Variants in OR6B3 observed in about 807,000 individuals in gnomAD.
OR6B3 encodes olfactory receptor 6B3.
For missense variants in OR6B3, 315 were observed against 427.4 expected (o/e 0.74, Z 2.32); for synonymous variants, 148 against 187.8 (o/e 0.79, Z 1.73).
chr2:240,052,867 A>C, the OR6B3 span, among the ~76,000 whole-genome samples: 1 of 152,094 alleles, frequency 6.6e-6, no homozygotes, highest in Non-Finnish European at 1.5e-5. This position sits in a 1 kb window ranked among gnomAD's most constrained non-coding sequence, Gnocchi z 4.5. Flanking sequence ...GCTGGAGTGC[A>C]GTGGCATGAT....
chr2:240,045,176 A>G (rs1698162748), exon 2 of OR6B3: 1 of 1,614,082 alleles, frequency 6.2e-7, no homozygotes, highest in Non-Finnish European at 8.5e-7. Flanking sequence ...TTTTCAAGGC[A>G]TTCTTAAATT....
chr2:240,046,369 C>T (rs1171875222), intron 1 of OR6B3, among the ~76,000 whole-genome samples: 1 of 152,184 alleles, frequency 6.6e-6, no homozygotes, highest in Non-Finnish European at 1.5e-5. Flanking sequence ...AAAGCTGTGT[C>T]CTATTTTTCA....
At chr2:240,044,603 A>G (rs1698154373), downstream of OR6B3, among the ~76,000 whole-genome samples, 1 of 152,274 alleles carries the variant, frequency 6.6e-6, no homozygotes, top group South Asian at 2.1e-4. Flanking sequence ...TTTTCTCAGC[A>G]GCTGACTGGG....
upstream of OR6B3, among the ~76,000 whole-genome samples, chr2:240,051,052 A>G (rs1464861882): frequency 6.6e-6 from 1 of 152,184 alleles, no homozygotes; most frequent in Non-Finnish European, 1.5e-5. Context: ...GAATTAGAAA[A>G]AATAATAGAA....
At chr2:240,047,717 T>C (rs955160991), upstream of OR6B3, among the ~76,000 whole-genome samples, 5 of 152,250 alleles carry the variant, frequency 3.3e-5, no homozygotes, top group Non-Finnish European at 7.3e-5. Context: ...AAAAATTCAA[T>C]AAGTCAACAT....
upstream of OR6B3, among the ~76,000 whole-genome samples, chr2:240,047,758 G>A (rs1698212248): frequency 6.6e-6 from 1 of 152,136 alleles, no homozygotes; most frequent in Admixed American, 6.5e-5. Flanking sequence ...AATCTATACT[G>A]AAAAACACAC....
At chr2:240,052,238 T>A in the OR6B3 span, among the ~76,000 whole-genome samples, 1 of 152,204 alleles carries the variant, frequency 6.6e-6, no homozygotes, top group Non-Finnish European at 1.5e-5. This position sits in a 1 kb window ranked among gnomAD's most constrained non-coding sequence, Gnocchi z 4.5. Context: ...TCAATTCTAT[T>A]TGAAATCTCA....
chr2:240,045,793 AAG>A lies in OR6B3; in HGVS notation c.278_279del (p.Ser93PhefsTer87). 1 of 1,501,328 alleles carries A rather than the reference AAG, an allele frequency of 6.7e-7. No homozygotes were observed. Among genetic ancestry groups the A allele is most frequent in the Non-Finnish European group, 9.3e-7 (1 of 1,077,820 alleles). 93.0% of individuals were successfully genotyped at this position (1,501,328 alleles called of 1,614,324 possible). A position where few individuals can be genotyped will look rare whatever the true frequency, so the allele number is the denominator to read the frequency against. On this transcript the variant is annotated frameshift_variant, in exon 2 of 2. Coordinates refer to ENST00000641019, the Ensembl canonical transcript of OR6B3. LOFTEE classifies it low-confidence loss of function (END_TRUNC). ...TAGAGCTGCGTCATGCACCCGACGA[AAG>A]AGATGCGTTTCTGCTGGAGGAGGAA... is the stretch of plus-strand genomic sequence containing the variant.
At chr2:240,046,395 C>T (rs1276142964) in intron 1 of OR6B3, among the ~76,000 whole-genome samples, 2 of 152,214 alleles carry the variant, frequency 1.3e-5, no homozygotes, top group African/African-American at 4.8e-5. Context: ...TGGACTTCTC[C>T]AAGGGACCCA....
rs749237711 is a variant in OR6B3 at position 240,045,422 on chromosome 2, T to C, written c.651A>G (p.Ser217=). 25 of 1,614,040 alleles carry C rather than the reference T, an allele frequency of 1.5e-5. No individual in the cohort carries two copies. The African/African-American group carries it at 3.2e-4, about 21-fold the overall frequency. The change falls in exon 2 of 2, where the codon TCA becomes TCG. Residue 217 remains serine, a synonymous_variant. Transcript: ENST00000641019. ...GGACAGCCAGGGTGATGTGCGCATA[T>C]GACAGCATGGTGGCCAGGAGTGGAA...
At chr2:240,049,225 G>A (rs1198536846), upstream of OR6B3, among the ~76,000 whole-genome samples, 1 of 152,208 alleles carries the variant, frequency 6.6e-6, no homozygotes, top group African/African-American at 2.4e-5. Context: ...ATCATGGCTA[G>A]TTTAGGAACT....
chr2:240,045,405 A>G, exon 2 of OR6B3: 1 of 1,614,170 alleles, frequency 6.2e-7, no homozygotes, highest in South Asian at 1.1e-5. Flanking sequence ...CAGGACAGCC[A>G]GGGTGATGTG....
upstream of OR6B3, among the ~76,000 whole-genome samples, chr2:240,048,533 G>T (rs774783785): frequency 2.0e-5 from 3 of 152,076 alleles, no homozygotes. Context: ...CTCTTGCTGC[G>T]CACCCACTGG....
downstream of OR6B3, among the ~76,000 whole-genome samples, chr2:240,044,907 C>T (rs1251689214): frequency 2.6e-5 from 4 of 152,252 alleles, no homozygotes; most frequent in Admixed American, 2.6e-4. Context: ...TTACTAACTA[C>T]AGCTTTGCTC....
At chr2:240,051,054 AT>A (rs1442202874), upstream of OR6B3, among the ~76,000 whole-genome samples, 2 of 152,208 alleles carry the variant, frequency 1.3e-5, no homozygotes. Flanking sequence ...ATTAGAAAAA[AT>A]AATAGAATTG....
chr2:240,047,951 A>C (rs1698214923), upstream of OR6B3, among the ~76,000 whole-genome samples: 1 of 152,246 alleles, frequency 6.6e-6, no homozygotes, highest in Non-Finnish European at 1.5e-5. Context: ...GAGAAATTGA[A>C]ATACAGAAAA....
upstream of OR6B3, among the ~76,000 whole-genome samples, chr2:240,047,554 C>T (rs1045488017): frequency 5.3e-5 from 8 of 152,222 alleles, no homozygotes; most frequent in African/African-American, 1.7e-4. Context: ...GTCACTGGAA[C>T]ACAGATGGCA....
At chr2:240,051,108 G>A (rs746428618), upstream of OR6B3, among the ~76,000 whole-genome samples, 2 of 152,194 alleles carry the variant, frequency 1.3e-5, no homozygotes, top group African/African-American at 2.4e-5. Context: ...GCTTAGAGTT[G>A]AGGACAGTAA....
exon 2 of OR6B3, chr2:240,045,791 G>A (rs751578693): frequency 3.5e-5 from 52 of 1,497,734 alleles, no homozygotes; most frequent in African/African-American, 1.8e-4. Context: ...TGCACCCGAC[G>A]AAAGAGATGC....
Sources: allele counts gnomAD v4.1 joint callset (sites outside exome capture counted in the v4.1 genomes callset), GRCh38; gene constraint gnomAD v4.1.1; non-coding constraint Gnocchi (gnomAD v3.1); transcripts MANE v1.5; gene names NCBI Gene and HGNC (gene_info 2026-07-23, HGNC 2026-07-21).